Variants in RBM33 observed in about 807,000 individuals in gnomAD.
The protein encoded by RBM33 is RNA binding motif protein 33.
In RBM33, 28 loss-of-function variants were observed where a neutral mutation model predicts 132.6. The observed-to-expected ratio is 0.21, with a 90% CI of 0.16 to 0.29. The LOEUF is 0.29. RBM33 is among the 10% of genes least tolerant of loss of function. The probability of loss-of-function intolerance (pLI) is 1.00; values close to 1 mark genes in which losing one functional copy is unlikely to be tolerated. For missense variants in RBM33, 1,291 were observed against 1,518.5 expected (o/e 0.85, Z 2.49); for synonymous variants, 634 against 593.0 (o/e 1.07, Z -1.01).
intron 14 of RBM33, among the ~76,000 whole-genome samples, chr7:155,761,778 C>T (rs1802044736): frequency 6.6e-6 from 1 of 152,034 alleles, no homozygotes; most frequent in Non-Finnish European, 1.5e-5. Context: ...CGTTGCTTTT[C>T]GCTGTCATCT....
At chr7:155,680,109 T>C (rs1799296508) in intron 4 of RBM33, among the ~76,000 whole-genome samples, 1 of 152,256 alleles carries the variant, frequency 6.6e-6, no homozygotes, top group Non-Finnish European at 1.5e-5. Context: ...CTATCACAGA[T>C]GTAAGAAAAA....
intron 14 of RBM33, among the ~76,000 whole-genome samples, chr7:155,757,783 A>G (rs73167181): frequency 0.065 from 9,738 of 150,730 alleles, 472 homozygotes; most frequent in African/African-American, 0.14. Flanking sequence ...GCCGGCATCT[A>G]CTTGGCTTCT....
chr7:155,656,957 G>T (rs1192584497), intron 1 of RBM33, among the ~76,000 whole-genome samples: 2 of 151,304 alleles, frequency 1.3e-5, no homozygotes, highest in Admixed American at 6.6e-5. Context: ...CCTACACAGG[G>T]TGAAGGTTTT....
chr7:155,747,463 C>T (rs1801554218), intron 14 of RBM33, among the ~76,000 whole-genome samples: 1 of 152,204 alleles, frequency 6.6e-6, no homozygotes, highest in Non-Finnish European at 1.5e-5. Flanking sequence ...ATGTACTCTG[C>T]ACTGGCAGGC....
chr7:155,755,540 ATGGT>A (rs1444534199), intron 14 of RBM33, among the ~76,000 whole-genome samples: 1 of 152,236 alleles, frequency 6.6e-6, no homozygotes, highest in East Asian at 1.9e-4. Flanking sequence ...GCTGAGAAAA[ATGGT>A]TGGGGAATTT....
In RBM33 at chr7:155,700,762, C is replaced by G; in HGVS notation, c.568-11C>G. 1 of 1,541,566 alleles carries G rather than the reference C, an allele frequency of 6.5e-7. No homozygotes were observed. The highest frequency in any genetic ancestry group is 8.8e-7 in the Non-Finnish European group (1 of 1,141,588). On this transcript the variant is annotated splice_polypyrimidine_tract_variant and intron_variant, in intron 5 of 17. Transcript: ENST00000401878. ...ACTGTCCTTTTTTTGCCTTGTGTAT[C>G]TGCAATATAGGGAGGTATGGAAACA... is the stretch of plus-strand genomic sequence containing the variant.
chr7:155,653,872 AG>A (rs1345661366), intron 1 of RBM33, among the ~76,000 whole-genome samples: 3 of 152,190 alleles, frequency 2.0e-5, no homozygotes, highest in African/African-American at 7.2e-5. Flanking sequence ...AAGTGTGAGT[AG>A]CCTGGGCACC....
chr7:155,725,600 G>C (rs1180907631), intron 9 of RBM33, among the ~76,000 whole-genome samples: 1 of 152,174 alleles, frequency 6.6e-6, no homozygotes, highest in Non-Finnish European at 1.5e-5. Context: ...AGCAGGGCCA[G>C]TCATTAGGAG....
At chr7:155,681,904 T>G (rs1216628790) in intron 5 of RBM33, among the ~76,000 whole-genome samples, 1 of 152,118 alleles carries the variant, frequency 6.6e-6, no homozygotes, top group Non-Finnish European at 1.5e-5. Flanking sequence ...CAGTCATGAT[T>G]GTATTTAGGT....
In RBM33 at chr7:155,745,705, T is replaced by A; in HGVS notation, c.2979+103T>A. 8.6e-7 allele frequency: 1 copy of A among 1,162,802 alleles called. No individual in the cohort carries two copies. Among genetic ancestry groups the A allele is most frequent in the Non-Finnish European group, 1.2e-6 (1 of 838,596 alleles). The allele number at this position is 1,162,802 out of a possible 1,614,324, so 72.0% of individuals were successfully genotyped here. A position where few individuals can be genotyped will look rare whatever the true frequency, so the allele number is the denominator to read the frequency against. ...TGAAGAAAGAATTAAAAGTTACCTC[T>A]GTTATAGTCTTGTAACCAATCTCTA... is the stretch of plus-strand genomic sequence containing the variant. On this transcript the variant is annotated intron_variant, in intron 14 of 17. Coordinates refer to ENST00000401878, the MANE Select transcript of RBM33 (RefSeq NM_053043.3). This position sits in a 1 kb window ranked among gnomAD's most constrained non-coding sequence, Gnocchi z 4.1.
intron 6 of RBM33, among the ~76,000 whole-genome samples, chr7:155,703,230 G>T (rs766152917): frequency 5.9e-5 from 9 of 152,068 alleles, no homozygotes; most frequent in East Asian, 1.9e-4. Flanking sequence ...TGACAATTTC[G>T]TGTATTTAAA....
Position 155,700,923 on chromosome 7 carries a change from A to C in RBM33, c.718A>C (p.Arg240=), listed in dbSNP as rs772952401. 18 of 1,612,802 alleles carry C rather than the reference A, an allele frequency of 1.1e-5. No homozygotes were observed. In the Admixed American group the frequency reaches 3.0e-4, roughly 27 times the overall value. Residue 240 remains arginine (R), a synonymous_variant, in exon 6 of 18, where the codon AGG becomes CGG. Transcript: ENST00000401878. ...GCTCTCAGATGTAACTAGAGAGAGAAGGAACATTCCAGAAACTTTGGGTAA... is the reference window on the plus strand; with the variant it reads ...GCTCTCAGATGTAACTAGAGAGAGACGGAACATTCCAGAAACTTTGGGTAA... The part of the protein sequence containing the change: ...IRLSDVTRER[R]NIPETLELSA...
Position 155,711,433 on chromosome 7 carries a change from G to C in RBM33, c.1179G>C (p.Gly393=). The change falls in exon 8 of 18, where the codon GGG becomes GGC. Residue 393 remains glycine, a synonymous_variant. Coordinates refer to ENST00000401878, the MANE Select transcript of RBM33 (RefSeq NM_053043.3). ...KNIHINPHFK[G]TVVTPVQVPL... ...TACACATCAACCCGCACTTCAAAGG[G>C]ACGGTGGTCACGCCTGTTCAAGGTC... The C allele has an allele frequency of 6.7e-7, 1 of 1,499,402 alleles. No homozygotes were observed. Among genetic ancestry groups the C allele is most frequent in the Non-Finnish European group, 8.9e-7 (1 of 1,122,808 alleles). The allele number at this position is 1,499,402 out of a possible 1,614,324, so 92.9% of individuals were successfully genotyped here. A position where few individuals can be genotyped will look rare whatever the true frequency, so the allele number is the denominator to read the frequency against.
intron 9 of RBM33, among the ~76,000 whole-genome samples, chr7:155,732,852 C>T (rs1196258841): frequency 2.6e-5 from 4 of 152,118 alleles, no homozygotes; most frequent in Admixed American, 1.3e-4. Context: ...TGCCCAGGGA[C>T]AGGTGAAAAA....
Position 155,711,195 on chromosome 7 carries a change from C to T in RBM33, c.949-8C>T. On this transcript the variant is annotated splice_region_variant and splice_polypyrimidine_tract_variant and intron_variant, in intron 7 of 17. Coordinates refer to ENST00000401878, the MANE Select transcript of RBM33 (RefSeq NM_053043.3). ...TAGACTCATTCTCCAAGGTTAATTC[C>T]TCCACAGCCCCAGGCTCCCCCTCCA... 3 of 1,518,318 alleles carry T rather than the reference C, an allele frequency of 2.0e-6. No homozygotes were observed. Among genetic ancestry groups the T allele is most frequent in the Non-Finnish European group, 2.7e-6 (3 of 1,131,800 alleles). The allele number at this position is 1,518,318 out of a possible 1,614,324, so 94.1% of individuals were successfully genotyped here. A position where few individuals can be genotyped will look rare whatever the true frequency, so the allele number is the denominator to read the frequency against.
chr7:155,684,971 G>C lies in RBM33; in HGVS notation c.567+4063G>C. ...TGCAGGCTTATGGTGGGCAACAAGG[G>C]CTGCAAGAGCAGGAAGACTGTGTGG... is the stretch of plus-strand genomic sequence containing the variant. On this transcript the variant is annotated intron_variant, in intron 5 of 17. Transcript: ENST00000401878. The C allele has an allele frequency of 3.2e-6, 5 of 1,550,494 alleles. 1 individual carries two copies. The South Asian group carries it at 4.8e-5, about 15-fold the overall frequency.
chr7:155,683,664 T>C lies in RBM33; in HGVS notation c.567+2756T>C, dbSNP rs530475691. On this transcript the variant is annotated intron_variant, in intron 5 of 17. Coordinates refer to ENST00000401878, the MANE Select transcript of RBM33 (RefSeq NM_053043.3). ...CCTGTGAATGTTGCTGGTGCTGTTC[T>C]TGAGAGTGAATTGTGATTTCATTTG... 2.6e-5 allele frequency among the ~76,000 whole-genome samples: 4 copies of C among 152,360 alleles called. No homozygotes were observed. In the South Asian group the frequency reaches 6.2e-4, roughly 24 times the overall value.
intron 2 of RBM33, among the ~76,000 whole-genome samples, chr7:155,670,861 CACTT>C (rs1798925914): frequency 2.0e-5 from 3 of 152,306 alleles, no homozygotes; most frequent in South Asian, 2.1e-4. Context: ...ATAGTTGATA[CACTT>C]ACTTATCTTT....
At chr7:155,695,644 A>G (rs1480844174) in intron 5 of RBM33, among the ~76,000 whole-genome samples, 1 of 152,130 alleles carries the variant, frequency 6.6e-6, no homozygotes, top group Non-Finnish European at 1.5e-5. Flanking sequence ...TATTTTTGGT[A>G]GAGACAGGGT....
Sources: gnomAD v4.1 joint callset for allele counts (sites outside exome capture counted in the v4.1 genomes callset) on GRCh38, gnomAD v4.1.1 for gene constraint, Gnocchi (gnomAD v3.1) non-coding constraint, MANE v1.5 for transcripts, NCBI Gene and HGNC (gene_info 2026-07-23, HGNC 2026-07-21) for gene names.